SLC27A6: variants seen among roughly 807,000 people sequenced by gnomAD.
SLC27A6 encodes long-chain fatty acid transport protein 6.
A neutral mutation model predicts 63.9 loss-of-function variants in SLC27A6; 74 were observed. That is an observed-to-expected ratio of 1.16 (90% CI 0.96 to 1.40). SLC27A6 has a LOEUF of 1.40. SLC27A6 is among the 40% of genes most tolerant of loss of function. The pLI, the probability that SLC27A6 is intolerant of heterozygous loss-of-function variation, is 0.00. For synonymous variants in SLC27A6, 287 were observed against 260.8 expected, an observed-to-expected ratio of 1.10 and a Z score of -0.97; for missense variants, 794 against 732.9, an observed-to-expected ratio of 1.08 and a Z score of -0.96.
chr5:129,015,917 G>A lies in SLC27A6; in HGVS notation c.1002G>A (p.Leu334=). 1 of 1,598,174 alleles carries A rather than the reference G, an allele frequency of 6.3e-7. No individual in the cohort carries two copies. The change falls in exon 5 of 10, where the codon TTG becomes TTA. Residue 334 remains leucine, a synonymous_variant. Transcript: ENST00000262462. ...GAGAAAAGGATCATAAGGTGCGTTT[G>A]GCAATTGGAAATGGCATACGGAGTG... ...REGEKDHKVR[L]AIGNGIRSDV...
intron 1 of SLC27A6, among the ~76,000 whole-genome samples, chr5:128,970,844 G>A (rs1750125355): frequency 1.3e-5 from 2 of 150,050 alleles, no homozygotes; most frequent in Admixed American, 6.7e-5. Context: ...TTTTAATTGT[G>A]ATGTTAGGGT....
In SLC27A6 at chr5:128,990,478, T is replaced by C. The variant is rs1343314113; in HGVS notation, c.969+14T>C. On this transcript the variant is annotated intron_variant, in intron 4 of 9. Coordinates refer to ENST00000262462, the MANE Select transcript of SLC27A6 (RefSeq NM_001017372.3). ...AAACAATCTAAGGTAGGCGTAATCA[T>C]TATCAGAAAAAAATATGTCAGAAAG... 6.3e-7 allele frequency: 1 copy of C among 1,591,996 alleles called. No homozygotes were observed. The highest frequency in any genetic ancestry group is 8.5e-7 in the Non-Finnish European group (1 of 1,174,126).
chr5:128,969,936 C>T (rs1750072879), intron 1 of SLC27A6, among the ~76,000 whole-genome samples: 1 of 152,082 alleles, frequency 6.6e-6, no homozygotes, highest in Non-Finnish European at 1.5e-5. Context: ...GAGATACATC[C>T]CATCAATACC....
intron 4 of SLC27A6, among the ~76,000 whole-genome samples, chr5:129,006,678 T>C (rs1751552052): frequency 6.6e-6 from 1 of 152,194 alleles, no homozygotes; most frequent in South Asian, 2.1e-4. Flanking sequence ...ATCTCAATAA[T>C]CTGTAAAATA....
At chr5:129,022,005 A>G (rs551940069) in intron 5 of SLC27A6, among the ~76,000 whole-genome samples, 2 of 152,314 alleles carry the variant, frequency 1.3e-5, no homozygotes, top group African/African-American at 4.8e-5. Flanking sequence ...ACAGGAGAGA[A>G]AAGAATAAGT....
chr5:129,030,958 C>G (rs1262142686), intron 9 of SLC27A6, among the ~76,000 whole-genome samples: 1 of 151,942 alleles, frequency 6.6e-6, no homozygotes, highest in Non-Finnish European at 1.5e-5. Context: ...AGCGAGCTCC[C>G]TCTTGTCCCT....
At chr5:128,994,328 T>C (rs1751083458) in intron 4 of SLC27A6, among the ~76,000 whole-genome samples, 1 of 152,212 alleles carries the variant, frequency 6.6e-6, no homozygotes, top group African/African-American at 2.4e-5. Context: ...TTAATAATTT[T>C]TTTTTAAGCA....
At position 128,985,116 on chromosome 5, in the gene SLC27A6, A is replaced by G. The variant is rs2150134097; in HGVS notation, c.482-17A>G. 6.2e-7 allele frequency: 1 copy of G among 1,603,520 alleles called. No individual in the cohort carries two copies. On this transcript the variant is annotated splice_polypyrimidine_tract_variant and intron_variant, in intron 1 of 9. Coordinates refer to ENST00000262462, the MANE Select transcript of SLC27A6 (RefSeq NM_001017372.3). ...ATTTAAGGTTTGCTTAACTCTTCCCAACCCTTTGGCTTTTAGATTTGCTTG... is the reference window on the plus strand; with the variant it reads ...ATTTAAGGTTTGCTTAACTCTTCCCGACCCTTTGGCTTTTAGATTTGCTTG...
chr5:128,968,931 A>C (rs1429926215), intron 1 of SLC27A6, among the ~76,000 whole-genome samples: 1 of 152,190 alleles, frequency 6.6e-6, no homozygotes, highest in Non-Finnish European at 1.5e-5. Context: ...ATCTTGAATT[A>C]AATTTTGTAT....
chr5:128,990,497 CAGAA>C (rs767101003), intron 4 of SLC27A6, 33 bp downstream of exon 4: 2 of 1,581,302 alleles, frequency 1.3e-6, no homozygotes, highest in Non-Finnish European at 1.7e-6. Context: ...AAAAATATGT[CAGAA>C]AGAATAAGTA....
At chr5:128,998,350 G>T (rs941181916) in intron 4 of SLC27A6, among the ~76,000 whole-genome samples, 1 of 150,166 alleles carries the variant, frequency 6.7e-6, no homozygotes, top group Non-Finnish European at 1.5e-5. Flanking sequence ...GAGTAATTTT[G>T]TAGAATGTAT....
intron 1 of SLC27A6, among the ~76,000 whole-genome samples, chr5:128,980,543 T>G (rs1750549258): frequency 6.6e-6 from 1 of 152,234 alleles, no homozygotes; most frequent in Non-Finnish European, 1.5e-5. Context: ...AACCCATTCT[T>G]GGGCAATAAT....
rs370472193 is a variant in SLC27A6, at chr5:128,970,941, G to A, written c.481+4323G>A. 1.6e-4 allele frequency among the ~76,000 whole-genome samples: 25 copies of A among 152,268 alleles called. No homozygotes were observed. The South Asian group carries it at 5.0e-3, about 30-fold the overall frequency. On this transcript the variant is annotated intron_variant, in intron 1 of 9. Coordinates refer to ENST00000262462, the MANE Select transcript of SLC27A6 (RefSeq NM_001017372.3). ...CACACTGCTTTAAATGTTTTCCAGA[G>A]ATTCTGATATGTTGTGTCTTTTTTC...
At chr5:129,024,873 A>T (rs1752184319) in intron 6 of SLC27A6, among the ~76,000 whole-genome samples, 1 of 152,184 alleles carries the variant, frequency 6.6e-6, no homozygotes, top group South Asian at 2.1e-4. Context: ...CTGAAAGACT[A>T]AAATAAAAAA....
chr5:129,015,921 A>T lies in SLC27A6; in HGVS notation c.1006A>T (p.Ile336Phe). The change falls in exon 5 of 10, where the codon ATT becomes TTT. Residue 336 changes from isoleucine to phenylalanine, a missense_variant. Coordinates refer to ENST00000262462, the MANE Select transcript of SLC27A6 (RefSeq NM_001017372.3). ...GEKDHKVRLAIGNGIRSDVWR... is the reference protein window; with the variant it reads ...GEKDHKVRLAFGNGIRSDVWR... Reference sequence around the variant, plus strand: ...AAAGGATCATAAGGTGCGTTTGGCAATTGGAAATGGCATACGGAGTGATGT... The same window carrying T: ...AAAGGATCATAAGGTGCGTTTGGCATTTGGAAATGGCATACGGAGTGATGT... 1 of 1,599,182 alleles carries T rather than the reference A, an allele frequency of 6.3e-7. No homozygotes were observed. The highest frequency in any genetic ancestry group is 8.5e-7 in the Non-Finnish European group (1 of 1,174,754).
At chr5:129,004,077 T>A (rs563727401) in intron 4 of SLC27A6, among the ~76,000 whole-genome samples, 2 of 152,216 alleles carry the variant, frequency 1.3e-5, no homozygotes, top group East Asian at 3.9e-4. Flanking sequence ...AACAGCTCAT[T>A]GGCTCTATTT....
At chr5:128,967,573 C>A (rs35386300) in intron 1 of SLC27A6, among the ~76,000 whole-genome samples, 36,641 of 151,478 alleles carry the variant, frequency 0.24, 4,960 homozygotes, top group Middle Eastern at 0.33. Context: ...ATATTTATAC[C>A]CTGGTGATCT....
At chr5:128,998,232 C>T (rs914153187) in intron 4 of SLC27A6, among the ~76,000 whole-genome samples, 1 of 151,916 alleles carries the variant, frequency 6.6e-6, no homozygotes, top group African/African-American at 2.4e-5. Flanking sequence ...TTTGAAGCTG[C>T]AGTGAGCTAT....
intron 5 of SLC27A6, among the ~76,000 whole-genome samples, chr5:129,019,905 AT>A (rs908766530): frequency 1.3e-5 from 2 of 152,134 alleles, no homozygotes; most frequent in African/African-American, 4.8e-5. Flanking sequence ...AAAGAAAAAA[AT>A]AATTATTTCT....
Sources: allele counts gnomAD v4.1 joint callset (sites outside exome capture counted in the v4.1 genomes callset), GRCh38; gene constraint gnomAD v4.1.1; transcripts MANE v1.5; gene names NCBI Gene and HGNC (gene_info 2026-07-23, HGNC 2026-07-21).